REC114: variants seen among roughly 807,000 people sequenced by gnomAD.
REC114 encodes the protein REC114 meiotic recombination protein, also known as meiotic recombination protein REC114.
A neutral mutation model predicts 31.3 loss-of-function variants in REC114; 27 were observed. That is an observed-to-expected ratio of 0.86 (90% confidence interval 0.64 to 1.19). The LOEUF (loss-of-function observed/expected upper bound fraction) is 1.19. REC114 is among the 50% of genes most tolerant of loss of function. REC114 has a pLI of 0.00. For synonymous variants in REC114, 134 were observed against 127.7 expected (o/e 1.05, Z -0.33); for missense variants, 344 against 326.9 (o/e 1.05, Z -0.40).
chr15:73,472,062 A>G (rs1893140593), intron 1 of REC114, among the ~76,000 whole-genome samples: 1 of 152,310 alleles, frequency 6.6e-6, no homozygotes, highest in African/African-American at 2.4e-5. Context: ...TTGCTTTGTC[A>G]TTGTTCATTG....
chr15:73,501,926 G>A (rs1893608744), intron 2 of REC114, among the ~76,000 whole-genome samples: 1 of 151,046 alleles, frequency 6.6e-6, no homozygotes, highest in Non-Finnish European at 1.5e-5. Context: ...CTTATGTAAT[G>A]ACATTTAAGA....
At chr15:73,483,406 T>C (rs1893321797) in intron 2 of REC114, 1 of 152,960 alleles carries the variant, frequency 6.5e-6, no homozygotes, top group African/African-American at 2.4e-5. Context: ...AAAGATGTGC[T>C]CAGTCCCCAG....
intron 1 of REC114, among the ~76,000 whole-genome samples, chr15:73,450,015 G>C (rs1286033826): frequency 6.6e-6 from 1 of 152,156 alleles, no homozygotes; most frequent in Non-Finnish European, 1.5e-5. Flanking sequence ...ACATGAACCA[G>C]TACCAGCCAC....
intron 1 of REC114, among the ~76,000 whole-genome samples, chr15:73,467,770 T>G (rs1465621720): frequency 1.3e-5 from 2 of 152,202 alleles, no homozygotes; most frequent in Non-Finnish European, 2.9e-5. Context: ...AGCTATAAAC[T>G]TAGTGGCTTA....
chr15:73,444,061 C>T (rs1212617973), intron 1 of REC114, among the ~76,000 whole-genome samples: 2 of 152,168 alleles, frequency 1.3e-5, no homozygotes, highest in African/African-American at 2.4e-5. Context: ...CACCTTGATT[C>T]GAGAATACTT....
Position 73,473,832 on chromosome 15 carries a change from G to T in REC114, c.160G>T (p.Val54Phe), listed in dbSNP as rs1232642223. The change falls in exon 2 of 6, where the codon GTT becomes TTT. Residue 54 changes from valine (V) to phenylalanine (F), a missense_variant and splice_region_variant. Val to Phe is a conservative substitution (Grantham distance 50). Transcript: ENST00000331090. Reference sequence around the variant, plus strand: ...TATTTTTCTCCTTCTCCCTTTCAAGGTTTTTGATTCCAATGAAGAATCTGG... The same window carrying T: ...TATTTTTCTCCTTCTCCCTTTCAAGTTTTTTGATTCCAATGAAGAATCTGG... Reference protein sequence around the residue: ...AGTAPCPTWKVFDSNEESGYL... With the variant: ...AGTAPCPTWKFFDSNEESGYL... 7.7e-6 allele frequency: 12 copies of T among 1,553,224 alleles called. No homozygotes were observed. Among genetic ancestry groups the T allele is most frequent in the Non-Finnish European group, 1.1e-5 (12 of 1,141,708 alleles).
intron 2 of REC114, among the ~76,000 whole-genome samples, chr15:73,518,472 C>T (rs1430517807): frequency 6.6e-6 from 1 of 152,254 alleles, no homozygotes; most frequent in Non-Finnish European, 1.5e-5. Context: ...GCTCCTCCTT[C>T]CTAGTTCTAG....
intron 4 of REC114, among the ~76,000 whole-genome samples, chr15:73,552,062 T>A (rs183554614): frequency 7.9e-5 from 12 of 152,340 alleles, no homozygotes; most frequent in Non-Finnish European, 1.3e-4. Flanking sequence ...TGCCACAAAA[T>A]TATACGTGGA....
chr15:73,485,054 A>G (rs1893346792), intron 2 of REC114, among the ~76,000 whole-genome samples: 1 of 152,328 alleles, frequency 6.6e-6, no homozygotes, highest in East Asian at 1.9e-4. Context: ...GATTTAGCAT[A>G]AACTTTTAAA....
At chr15:73,506,399 C>T (rs964084630) in intron 2 of REC114, among the ~76,000 whole-genome samples, 4 of 152,122 alleles carry the variant, frequency 2.6e-5, no homozygotes, top group African/African-American at 9.7e-5. Context: ...TCAGCTGGTT[C>T]ACTGTGCTGT....
intron 1 of REC114, among the ~76,000 whole-genome samples, chr15:73,472,498 G>T (rs1893145581): frequency 6.6e-6 from 1 of 152,150 alleles, no homozygotes; most frequent in South Asian, 2.1e-4. Flanking sequence ...AACTATAAGA[G>T]CATTGTTAGT....
At chr15:73,507,687 G>A (rs750271455) in intron 2 of REC114, among the ~76,000 whole-genome samples, 1 of 152,100 alleles carries the variant, frequency 6.6e-6, no homozygotes, top group African/African-American at 2.4e-5. Flanking sequence ...TGTTTTATGT[G>A]TATATATGTA....
intron 2 of REC114, among the ~76,000 whole-genome samples, chr15:73,492,108 G>A (rs1036402966): frequency 2.6e-5 from 4 of 151,944 alleles, no homozygotes; most frequent in South Asian, 2.1e-4. Context: ...TATTGGCCTC[G>A]TTAAGAAACA....
At chr15:73,557,738 A>T (rs906173782) in intron 5 of REC114, among the ~76,000 whole-genome samples, 3 of 152,236 alleles carry the variant, frequency 2.0e-5, no homozygotes, top group Admixed American at 2.0e-4. Flanking sequence ...ACCTTTGCCC[A>T]GTTTATTTAC....
chr15:73,529,882 C>T (rs1021629390), intron 2 of REC114, among the ~76,000 whole-genome samples: 1 of 152,118 alleles, frequency 6.6e-6, no homozygotes, highest in Non-Finnish European at 1.5e-5. Flanking sequence ...GGACATAGCA[C>T]GTAATCTGGT....
At chr15:73,459,884 T>C (rs1443156439) in intron 1 of REC114, among the ~76,000 whole-genome samples, 2 of 152,172 alleles carry the variant, frequency 1.3e-5, no homozygotes, top group Non-Finnish European at 1.5e-5. Context: ...GGATAGGTAA[T>C]GTAAGTGAGA....
At chr15:73,488,567 A>C (rs1363943428) in intron 2 of REC114, among the ~76,000 whole-genome samples, 1 of 152,188 alleles carries the variant, frequency 6.6e-6, no homozygotes, top group Non-Finnish European at 1.5e-5. Context: ...GCCTTCCTCA[A>C]AGCAGTGGGA....
intron 5 of REC114, 28 bp downstream of exon 5, chr15:73,556,419 C>T: frequency 6.3e-7 from 1 of 1,587,698 alleles, no homozygotes; most frequent in Non-Finnish European, 8.6e-7. Flanking sequence ...GTTCAATTTT[C>T]TTGTCATGAG....
At chr15:73,475,522 G>T (rs1249536940) in intron 2 of REC114, among the ~76,000 whole-genome samples, 2 of 152,034 alleles carry the variant, frequency 1.3e-5, no homozygotes, top group African/African-American at 4.8e-5. Flanking sequence ...TTAACAAAAG[G>T]TTTTTAAAAT....
Sources: gnomAD v4.1 joint callset for allele counts (sites outside exome capture counted in the v4.1 genomes callset) on GRCh38, gnomAD v4.1.1 for gene constraint, MANE v1.5 for transcripts, NCBI Gene and HGNC (gene_info 2026-07-23, HGNC 2026-07-21) for gene names.